WDR27: variants seen among roughly 807,000 people sequenced by gnomAD.
WDR27 encodes the protein WD repeat-containing protein 27.
Under a neutral mutation model 114.4 loss-of-function variants are expected in WDR27, and 100 were observed. That is an observed-to-expected ratio of 0.87 (90% CI 0.74 to 1.03). The LOEUF (loss-of-function observed/expected upper bound fraction) is 1.03, where lower values mean the gene tolerates loss of function less well. Among genes scored for constraint, WDR27 ranks in the 50% least tolerant of loss-of-function variants. WDR27 has a pLI of 0.00. For synonymous variants in WDR27, 449 were observed against 423.1 expected, an observed-to-expected ratio of 1.06 and a Z score of -0.75; for missense variants, 1,129 against 1,092.9, an observed-to-expected ratio of 1.03 and a Z score of -0.47.
chr6:169,504,022 G>A (rs550648790), intron 25 of WDR27, among the ~76,000 whole-genome samples: 8 of 152,158 alleles, frequency 5.3e-5, no homozygotes, highest in East Asian at 1.9e-4. Flanking sequence ...GTGTACTGAT[G>A]TGTAAAATTT....
chr6:169,563,263 G>C (rs1448369980), intron 25 of WDR27, among the ~76,000 whole-genome samples: 2 of 152,182 alleles, frequency 1.3e-5, no homozygotes, highest in South Asian at 4.1e-4. Context: ...CTCCGCTGCA[G>C]CCAGGGTCGG....
chr6:169,533,590 G>C (rs1795865556), intron 25 of WDR27, among the ~76,000 whole-genome samples: 1 of 152,182 alleles, frequency 6.6e-6, no homozygotes, highest in African/African-American at 2.4e-5. Flanking sequence ...AAGGCAGAGA[G>C]GCAAGAGGGA....
intron 25 of WDR27, among the ~76,000 whole-genome samples, chr6:169,461,199 C>T (rs12110406): frequency 0.031 from 4,672 of 152,142 alleles, 217 homozygotes; most frequent in African/African-American, 0.1. Flanking sequence ...TACTCCTCTT[C>T]TAATAATGGA....
At chr6:169,688,055 T>C (rs1471216455) in intron 2 of WDR27, among the ~76,000 whole-genome samples, 1 of 152,226 alleles carries the variant, frequency 6.6e-6, no homozygotes, top group Non-Finnish European at 1.5e-5. Flanking sequence ...AATGTAATTC[T>C]ATTTATCATT....
intron 25 of WDR27, among the ~76,000 whole-genome samples, chr6:169,462,384 C>G (rs572062893): frequency 4.9e-4 from 74 of 151,844 alleles, no homozygotes; most frequent in South Asian, 4.6e-3. Context: ...CTGCAGTAAG[C>G]TGAGATTGTG....
chr6:169,599,005 T>C (rs1225953617), intron 23 of WDR27, among the ~76,000 whole-genome samples: 2 of 152,196 alleles, frequency 1.3e-5, no homozygotes, highest in African/African-American at 2.4e-5. Flanking sequence ...TTTTTTATTA[T>C]ACTTTAAGTT....
At chr6:169,601,659 A>T (rs540121620) in intron 23 of WDR27, among the ~76,000 whole-genome samples, 1 of 152,338 alleles carries the variant, frequency 6.6e-6, no homozygotes, top group South Asian at 2.1e-4. Context: ...CGAATGGGAA[A>T]AGGGTTAAGC....
intron 13 of WDR27, among the ~76,000 whole-genome samples, chr6:169,655,316 A>G (rs975440179): frequency 6.6e-6 from 1 of 152,196 alleles, no homozygotes; most frequent in African/African-American, 2.4e-5. Context: ...CATGTGGGGA[A>G]CCCCGAGCCC....
chr6:169,659,582 C>T lies in WDR27; in HGVS notation c.1130-64G>A, dbSNP rs1026345196. On this transcript the variant is annotated intron_variant, in intron 10 of 25. Transcript: ENST00000448612. This position sits in a 1 kb window ranked among gnomAD's most constrained non-coding sequence, Gnocchi z 4.3. ...GGGAGGTAGCACATACACACGGAGTCACTGCCCAGAGCCCACCACACACAG... is the reference window on the plus strand; with the variant it reads ...GGGAGGTAGCACATACACACGGAGTTACTGCCCAGAGCCCACCACACACAG... 124 of 1,499,298 alleles carry T rather than the reference C, an allele frequency of 8.3e-5. No individual in the cohort carries two copies. The highest frequency in any genetic ancestry group is 1.1e-4 in the Non-Finnish European group (122 of 1,099,820). 92.9% of individuals were successfully genotyped at this position (1,499,298 alleles called of 1,614,324 possible). A position where few individuals can be genotyped will look rare whatever the true frequency, so the allele number is the denominator to read the frequency against.
At chr6:169,577,457 T>G (rs989221857) in intron 24 of WDR27, among the ~76,000 whole-genome samples, 5 of 151,984 alleles carry the variant, frequency 3.3e-5, no homozygotes, top group African/African-American at 1.2e-4. Context: ...GGGGAGATGG[T>G]TCTGGATGTC....
At chr6:169,699,477 G>A (rs1331431654) in intron 1 of WDR27, among the ~76,000 whole-genome samples, 1 of 152,190 alleles carries the variant, frequency 6.6e-6, no homozygotes, top group Non-Finnish European at 1.5e-5. Context: ...GATACACACA[G>A]ACCAGAAGCT....
intron 21 of WDR27, among the ~76,000 whole-genome samples, chr6:169,630,131 G>A (rs147368844): frequency 6.6e-6 from 1 of 152,176 alleles, no homozygotes; most frequent in African/African-American, 2.4e-5. Context: ...TAACATCTCA[G>A]GAGAGACTTT....
chr6:169,559,540 A>C (rs1286622754), intron 25 of WDR27: 1 of 152,212 alleles, frequency 6.6e-6, no homozygotes, highest in African/African-American at 2.4e-5. Flanking sequence ...GAAATATAAT[A>C]TATGTTGCCT....
At chr6:169,510,469 A>G (rs557544237) in intron 25 of WDR27, among the ~76,000 whole-genome samples, 101 of 152,202 alleles carry the variant, frequency 6.6e-4, no homozygotes, top group African/African-American at 2.3e-3. Context: ...TGATGAGTTC[A>G]TGTCCTTTGT....
At chr6:169,526,946 C>T (rs74521666) in intron 25 of WDR27, among the ~76,000 whole-genome samples, 2,488 of 152,104 alleles carry the variant, frequency 0.016, 62 homozygotes, top group African/African-American at 0.057. Context: ...CAAATCAAAC[C>T]CTGAGGTACC....
At chr6:169,558,256 T>C (rs1214448907) in intron 25 of WDR27, 1 of 152,192 alleles carries the variant, frequency 6.6e-6, no homozygotes, top group African/African-American at 2.4e-5. Context: ...CCTCTTCTGA[T>C]TGCTATTCTA....
At chr6:169,491,720 A>G (rs1789790692) in intron 25 of WDR27, among the ~76,000 whole-genome samples, 1 of 152,166 alleles carries the variant, frequency 6.6e-6, no homozygotes, top group African/African-American at 2.4e-5. Context: ...GAGGCTAATG[A>G]TGTGTGCTGG....
chr6:169,534,797 T>C (rs773073691), intron 25 of WDR27, among the ~76,000 whole-genome samples: 1 of 152,034 alleles, frequency 6.6e-6, no homozygotes, highest in Non-Finnish European at 1.5e-5. Context: ...TGGTCAGCTC[T>C]AGCTCTTATT....
At chr6:169,607,393 T>TATAC (rs765381907) in intron 22 of WDR27, among the ~76,000 whole-genome samples, 2 of 99,378 alleles carry the variant, frequency 2.0e-5, no homozygotes, top group African/African-American at 3.0e-5. Context: ...TGTGTGTGTA[T>TATAC]ACACACACAC....
Sources: gnomAD v4.1 joint callset for allele counts (sites outside exome capture counted in the v4.1 genomes callset) on GRCh38, gnomAD v4.1.1 for gene constraint, Gnocchi (gnomAD v3.1) non-coding constraint, MANE v1.5 for transcripts, NCBI Gene and HGNC (gene_info 2026-07-23, HGNC 2026-07-21) for gene names.